Variants in CCDC172 observed in about 807,000 individuals in gnomAD.
The protein encoded by CCDC172 is coiled-coil domain-containing protein 172.
In CCDC172, 30 loss-of-function variants were observed where a neutral mutation model predicts 38.0. That is an observed-to-expected ratio of 0.79 (90% CI 0.59 to 1.07). The LOEUF (loss-of-function observed/expected upper bound fraction) is 1.07, where lower values mean the gene tolerates loss of function less well. Among genes scored for constraint, CCDC172 ranks in the 50% least tolerant of loss-of-function variants. CCDC172 has a pLI of 0.00. For synonymous variants in CCDC172, 78 were observed against 88.3 expected, an observed-to-expected ratio of 0.88 and a Z score of 0.66; for missense variants, 297 against 290.1, an observed-to-expected ratio of 1.02 and a Z score of -0.17.
chr10:116,349,964 G>A (rs1844911551), intron 5 of CCDC172, among the ~76,000 whole-genome samples: 1 of 152,172 alleles, frequency 6.6e-6, no homozygotes, highest in Admixed American at 6.5e-5. Flanking sequence ...AATCAAACAA[G>A]TGAATACCTG....
intron 7 of CCDC172, among the ~76,000 whole-genome samples, chr10:116,376,126 A>G (rs915222664): frequency 2.6e-5 from 4 of 152,248 alleles, no homozygotes; most frequent in Admixed American, 6.5e-5. Context: ...AACCATCCAC[A>G]GTGTCCATCA....
chr10:116,368,329 T>C (rs1481433268), intron 7 of CCDC172, among the ~76,000 whole-genome samples: 2 of 152,160 alleles, frequency 1.3e-5, no homozygotes, highest in Non-Finnish European at 2.9e-5. Context: ...CAATGGTGGC[T>C]GCAAAATGGT....
At chr10:116,376,226 G>A (rs1339204414) in intron 7 of CCDC172, among the ~76,000 whole-genome samples, 5 of 152,096 alleles carry the variant, frequency 3.3e-5, no homozygotes, top group African/African-American at 9.7e-5. Flanking sequence ...GCATCTGCTG[G>A]CATCCAGGAA....
intron 6 of CCDC172, 60 bp downstream of exon 6, chr10:116,357,541 G>C: frequency 7.8e-7 from 1 of 1,279,620 alleles, no homozygotes. Context: ...TGCATGATAA[G>C]GGCATATTAT....
chr10:116,357,386 A>C lies in CCDC172; in HGVS notation c.455A>C (p.Lys152Thr), dbSNP rs747247815. ...CTTTTGTATCTGTTTCTAGAAATGAAGTCAATGGAACATGATAGTAGCCAG... is the reference window on the plus strand; with the variant it reads ...CTTTTGTATCTGTTTCTAGAAATGACGTCAATGGAACATGATAGTAGCCAG... ...NQANMLKSEM[K>T]SMEHDSSQLN... is the part of the protein sequence containing the mutation. Residue 152 changes from lysine to threonine, a missense_variant, in exon 6 of 9, where the codon AAG (lysine) becomes ACG (threonine). Coordinates refer to ENST00000333254, the MANE Select transcript of CCDC172 (RefSeq NM_198515.3). 6.5e-7 allele frequency: 1 copy of C among 1,545,660 alleles called. No individual in the cohort carries two copies. The highest frequency in any genetic ancestry group is 1.2e-5 in the South Asian group (1 of 81,366).
chr10:116,374,202 A>T (rs1014748287), intron 7 of CCDC172, among the ~76,000 whole-genome samples: 2 of 152,146 alleles, frequency 1.3e-5, no homozygotes, highest in Non-Finnish European at 2.9e-5. Context: ...GCACTTAATG[A>T]TGAGCCCAAG....
intron 7 of CCDC172, among the ~76,000 whole-genome samples, chr10:116,361,032 CTATTATTATTATTATTATTATTAT>C (rs140026446): frequency 0.031 from 4,480 of 142,252 alleles, 94 homozygotes; most frequent in Non-Finnish European, 0.037. Context: ...ACCCCCAAAC[CTATTATTATTATTATTATTATTAT>C]TATTATTATT....
intron 6 of CCDC172, 74 bp downstream of exon 6, chr10:116,357,555 T>C: frequency 1.7e-6 from 2 of 1,207,102 alleles, no homozygotes; most frequent in Non-Finnish European, 2.2e-6. Flanking sequence ...ATATTATTCT[T>C]TTAAAATATA....
chr10:116,333,156 G>A, intron 3 of CCDC172, among the ~76,000 whole-genome samples: 1 of 151,756 alleles, frequency 6.6e-6, no homozygotes, highest in East Asian at 1.9e-4. Context: ...TAATCTTTTG[G>A]ATAATTCTCT....
chr10:116,374,662 A>C (rs61864802), intron 7 of CCDC172, among the ~76,000 whole-genome samples: 17,574 of 151,956 alleles, frequency 0.12, 1,577 homozygotes, highest in African/African-American at 0.25. Context: ...TAAAAAGTCC[A>C]AAAGCAGGTA....
intron 3 of CCDC172, among the ~76,000 whole-genome samples, chr10:116,334,139 G>A (rs1259755490): frequency 6.6e-6 from 1 of 152,210 alleles, no homozygotes; most frequent in Non-Finnish European, 1.5e-5. Flanking sequence ...CCACCACAGT[G>A]AGCAAATGGA....
intron 7 of CCDC172, among the ~76,000 whole-genome samples, chr10:116,358,450 G>A: frequency 6.6e-6 from 1 of 152,066 alleles, no homozygotes; most frequent in Non-Finnish European, 1.5e-5. Flanking sequence ...ATAAACACAA[G>A]GAGTAAAGAC....
At chr10:116,364,983 G>A (rs1589958032) in intron 7 of CCDC172, among the ~76,000 whole-genome samples, 3 of 152,240 alleles carry the variant, frequency 2.0e-5, no homozygotes, top group Admixed American at 2.0e-4. Flanking sequence ...AATTAGCAAT[G>A]TTGGCCTATC....
intron 3 of CCDC172, among the ~76,000 whole-genome samples, chr10:116,340,337 TATTC>T (rs1392316895): frequency 6.6e-6 from 1 of 151,884 alleles, no homozygotes; most frequent in African/African-American, 2.4e-5. Flanking sequence ...GTACATGATT[TATTC>T]ATTCATATAT....
chr10:116,378,650 G>A, intron 8 of CCDC172, 140 bp downstream of exon 8: 3 of 654,222 alleles, frequency 4.6e-6, no homozygotes, highest in Non-Finnish European at 7.8e-6. Flanking sequence ...AAGATAACTA[G>A]GATCAGGATG....
chr10:116,332,787 A>G (rs891581180), intron 3 of CCDC172, among the ~76,000 whole-genome samples: 2 of 151,876 alleles, frequency 1.3e-5, no homozygotes, highest in African/African-American at 2.4e-5. Context: ...AACCTCAGCT[A>G]TTATTTCATA....
chr10:116,342,734 G>A (rs1844811463), intron 5 of CCDC172, among the ~76,000 whole-genome samples: 1 of 152,136 alleles, frequency 6.6e-6, no homozygotes, highest in African/African-American at 2.4e-5. Context: ...GCTCATGGGG[G>A]CAGGTTTCCC....
At position 116,379,801 on chromosome 10, in the gene CCDC172, A is replaced by C. The variant is rs1428481597; in HGVS notation, c.*443A>C. On this transcript the variant is annotated 3_prime_UTR_variant, in exon 9 of 9. Transcript: ENST00000333254. ...GTGGGTTTCTCATGAATAGCTTAGC[A>C]CCATTCTTCTTGGTACTGTCCTTGA... 1.3e-5 allele frequency: 2 copies of C among 153,412 alleles called. No individual in the cohort carries two copies. Among genetic ancestry groups the C allele is most frequent in the East Asian group, 3.8e-4 (2 of 5,232 alleles). The allele number at this position is 153,412 out of a possible 1,614,324, so 9.5% of individuals were successfully genotyped here. A position where few individuals can be genotyped will look rare whatever the true frequency, so the allele number is the denominator to read the frequency against.
intron 5 of CCDC172, among the ~76,000 whole-genome samples, chr10:116,355,283 A>C (rs996398859): frequency 6.6e-6 from 1 of 152,160 alleles, no homozygotes; most frequent in Non-Finnish European, 1.5e-5. Flanking sequence ...AGGTTTAGAT[A>C]TATTTAGATA....
Sources: gnomAD v4.1 joint callset for allele counts (sites outside exome capture counted in the v4.1 genomes callset) on GRCh38, gnomAD v4.1.1 for gene constraint, MANE v1.5 for transcripts, NCBI Gene and HGNC (gene_info 2026-07-23, HGNC 2026-07-21) for gene names.